The following MLIP variants were observed in gnomAD, a reference collection of about 807,000 sequenced individuals.
MLIP encodes muscular LMNA interacting protein.
A neutral mutation model predicts 84.8 loss-of-function variants in MLIP; 79 were observed. That is an observed-to-expected ratio of 0.93 (90% confidence interval 0.78 to 1.12). MLIP has a LOEUF of 1.12. Ranked by LOEUF, MLIP falls within the 50% of genes most tolerant of loss-of-function variation. The pLI, the probability that MLIP is intolerant of heterozygous loss-of-function variation, is 0.00. For synonymous variants in MLIP, 504 were observed against 463.0 expected (o/e 1.09, Z -1.14); for missense variants, 1,257 against 1,160.6 (o/e 1.08, Z -1.21).
chr6:54,186,892 C>G (rs1185509113), intron 9 of MLIP, among the ~76,000 whole-genome samples: 1 of 152,116 alleles, frequency 6.6e-6, no homozygotes, highest in East Asian at 1.9e-4. Flanking sequence ...GCATCAGACC[C>G]TAGGTGCCAG....
intron 1 of MLIP, among the ~76,000 whole-genome samples, chr6:54,030,164 T>A (rs1236841463): frequency 1.3e-5 from 2 of 152,210 alleles, no homozygotes; most frequent in East Asian, 3.8e-4. Flanking sequence ...CTTGAAAATT[T>A]TATTAACTTT....
intron 1 of MLIP, among the ~76,000 whole-genome samples, chr6:54,090,978 C>T (rs1373447913): frequency 6.6e-6 from 1 of 152,044 alleles, no homozygotes; most frequent in Non-Finnish European, 1.5e-5. Context: ...GTTTCTCAAC[C>T]TTAATAATAT....
In MLIP at chr6:54,215,569, A is replaced by C. The variant is rs73438467; in HGVS notation, c.2718+13336A>C. On this transcript the variant is annotated intron_variant, in intron 11 of 13. Coordinates refer to ENST00000502396, the MANE Select transcript of MLIP (RefSeq NM_001281747.2). ...TATAATGATTACCACAGTTAAATTAATCAATGTAACTATTAATGTACTAGT... is the reference window on the plus strand; with the variant it reads ...TATAATGATTACCACAGTTAAATTACTCAATGTAACTATTAATGTACTAGT... 2.9e-3 allele frequency: 671 copies of C among 234,464 alleles called. 4 individuals are homozygous for C. Among genetic ancestry groups the C allele is most frequent in the African/African-American group, 0.014 (628 of 43,488 alleles). The allele number at this position is 234,464 out of a possible 1,614,324, so 14.5% of individuals were successfully genotyped here. A position where few individuals can be genotyped will look rare whatever the true frequency, so the allele number is the denominator to read the frequency against.
At chr6:54,135,621 ATATC>A (rs1418465391) in intron 3 of MLIP, among the ~76,000 whole-genome samples, 14 of 152,104 alleles carry the variant, frequency 9.2e-5, no homozygotes, top group Admixed American at 8.5e-4. Context: ...TGCTTAATGA[ATATC>A]TATATGTAAA....
chr6:54,068,416 C>T lies in MLIP; in HGVS notation c.63+49325C>T, dbSNP rs1278133317. Among the ~76,000 whole-genome samples the T allele has an allele frequency of 2.0e-5, 2 of 98,616 alleles. 1 individual carries two copies. The highest frequency in any genetic ancestry group is 9.7e-3 in the Middle Eastern group (2 of 206). The allele number at this position is 98,616 out of a possible 152,430, so 64.7% of individuals were successfully genotyped here. On this transcript the variant is annotated intron_variant, in intron 1 of 12. Transcript: ENST00000274897. ...CCTCCCAAAGTTCTGTCATAACAGG[C>T]GAGCCACTGCACCCCACCCAGCTTC...
intron 11 of MLIP, among the ~76,000 whole-genome samples, chr6:54,228,758 G>C (rs1780780145): frequency 6.6e-6 from 1 of 152,164 alleles, no homozygotes. Context: ...AGAAAAAACT[G>C]AAGCCTGAGT....
intron 1 of MLIP, among the ~76,000 whole-genome samples, chr6:54,029,868 T>C (rs976694146): frequency 3.9e-5 from 6 of 152,172 alleles, no homozygotes; most frequent in African/African-American, 1.4e-4. Flanking sequence ...AAGAATCAAA[T>C]CTGGGCTCCT....
chr6:54,124,814 A>G lies in MLIP; in HGVS notation c.594A>G (p.Ser198=). Residue 198 remains serine (S), a synonymous_variant, in exon 3 of 14, where the codon TCA becomes TCG. Coordinates refer to ENST00000502396, the MANE Select transcript of MLIP (RefSeq NM_001281747.2). ...PKTQGTDLKT[S]SHPEMLHGMA... ...CACAGGGGACTGATCTCAAGACCTC[A>G]TCACATCCTGAAATGCTTCATGGGA... 2 of 1,612,056 alleles carry G rather than the reference A, an allele frequency of 1.2e-6. No homozygotes were observed. Among genetic ancestry groups the G allele is most frequent in the Non-Finnish European group, 1.7e-6 (2 of 1,179,128 alleles).
At chr6:54,167,867 A>G (rs1150884) in intron 8 of MLIP, among the ~76,000 whole-genome samples, 128,918 of 151,664 alleles carry the variant, frequency 0.85, 55,842 homozygotes, top group Non-Finnish European at 0.94. Flanking sequence ...TAGGGGCTCA[A>G]TCTGTTTTTG....
chr6:54,023,852 G>C (rs1215735263), intron 1 of MLIP, among the ~76,000 whole-genome samples: 2 of 152,254 alleles, frequency 1.3e-5, no homozygotes, highest in East Asian at 3.9e-4. Flanking sequence ...TTACAGGCGA[G>C]AGCCACTGTG....
chr6:54,029,074 T>C (rs1201088446), intron 1 of MLIP: 1 of 152,236 alleles, frequency 6.6e-6, no homozygotes, highest in Non-Finnish European at 1.5e-5. Flanking sequence ...TGAACATGTG[T>C]GTTCCATTAG....
At chr6:54,252,081 T>C (rs1339557205) in intron 12 of MLIP, among the ~76,000 whole-genome samples, 68 of 97,376 alleles carry the variant, frequency 7.0e-4, no homozygotes, top group Non-Finnish European at 1.0e-3. Flanking sequence ...ATATAATATA[T>C]AATATAAATA....
intron 10 of MLIP, among the ~76,000 whole-genome samples, chr6:54,200,051 A>G (rs1247348222): frequency 6.6e-6 from 1 of 152,148 alleles, no homozygotes; most frequent in Non-Finnish European, 1.5e-5. Flanking sequence ...ACTAAAGAGC[A>G]TGAAAACTGG....
At chr6:54,243,443 T>C (rs1781871579) in intron 12 of MLIP, among the ~76,000 whole-genome samples, 1 of 152,160 alleles carries the variant, frequency 6.6e-6, no homozygotes, top group African/African-American at 2.4e-5. Flanking sequence ...ACATAATGAG[T>C]TATCTGAACT....
chr6:54,161,408 A>G (rs1774625390), intron 8 of MLIP, among the ~76,000 whole-genome samples: 2 of 152,082 alleles, frequency 1.3e-5, no homozygotes, highest in South Asian at 2.1e-4. Flanking sequence ...TTTCCTTCTT[A>G]TAAAATAGTT....
At chr6:54,193,951 G>C (rs555654174) in intron 10 of MLIP, among the ~76,000 whole-genome samples, 1 of 152,194 alleles carries the variant, frequency 6.6e-6, no homozygotes, top group African/African-American at 2.4e-5. Context: ...TTGGCAGTAG[G>C]GGAGCCTGGT....
At chr6:54,211,946 T>A (rs1023468705) in intron 11 of MLIP, among the ~76,000 whole-genome samples, 1 of 152,196 alleles carries the variant, frequency 6.6e-6, no homozygotes, top group East Asian at 1.9e-4. Context: ...GTGTTCTTAG[T>A]TCTTTAGGGA....
intron 9 of MLIP, among the ~76,000 whole-genome samples, chr6:54,171,952 T>C (rs1163338946): frequency 1.3e-5 from 2 of 151,624 alleles, no homozygotes; most frequent in Non-Finnish European, 3.0e-5. Flanking sequence ...AGTATATAAC[T>C]GCTGGGATTC....
At chr6:54,194,269 A>G (rs1488534761) in intron 10 of MLIP, among the ~76,000 whole-genome samples, 2 of 152,114 alleles carry the variant, frequency 1.3e-5, no homozygotes, top group African/African-American at 4.8e-5. Context: ...GCAGCCCTGA[A>G]AGCTTTTATG....
Sources: gnomAD v4.1 joint callset for allele counts (sites outside exome capture counted in the v4.1 genomes callset) on GRCh38, gnomAD v4.1.1 for gene constraint, MANE v1.5 for transcripts, NCBI Gene and HGNC (gene_info 2026-07-23, HGNC 2026-07-21) for gene names.